Variants in CCDC43 observed in about 807,000 individuals in gnomAD.
The protein encoded by CCDC43 is coiled-coil domain-containing protein 43.
Under a neutral mutation model 33.3 loss-of-function variants are expected in CCDC43, and 20 were observed. The ratio of observed to expected loss-of-function variants is 0.60; its 90% CI spans 0.42 to 0.87. The LOEUF (loss-of-function observed/expected upper bound fraction) is 0.87, where lower values mean the gene tolerates loss of function less well. Among genes scored for constraint, CCDC43 ranks in the 40% least tolerant of loss-of-function variants. The pLI is 0.00. For synonymous variants in CCDC43, 104 were observed against 106.5 expected, an observed-to-expected ratio of 0.98 and a Z score of 0.14; for missense variants, 248 against 269.9, an observed-to-expected ratio of 0.92 and a Z score of 0.57.
At chr17:44,681,623 A>C (rs1972163944) in intron 3 of CCDC43, 1 of 156,700 alleles carries the variant, frequency 6.4e-6, no homozygotes, top group Admixed American at 6.4e-5. Context: ...TTGGTGTCTC[A>C]GTTTCCTTAT....
Position 44,678,818 on chromosome 17 carries a change from G to A in CCDC43, c.*38C>T. ...TAAATACACAACCAGTTCTCCCTTT[G>A]ATAAGTTCATGGGGGGAAAGAATAG... On this transcript the variant is annotated 3_prime_UTR_variant, in exon 5 of 5. Transcript: ENST00000315286. The A allele has an allele frequency of 6.4e-7, 1 of 1,570,992 alleles. No homozygotes were observed. Among genetic ancestry groups the A allele is most frequent in the Admixed American group, 1.9e-5 (1 of 53,976 alleles).
At chr17:44,679,719 C>T (rs1972128151) in intron 4 of CCDC43, among the ~76,000 whole-genome samples, 1 of 151,976 alleles carries the variant, frequency 6.6e-6, no homozygotes, top group Non-Finnish European at 1.5e-5. Flanking sequence ...GGTGAAACCC[C>T]GTCTCTACTA....
intron 2 of CCDC43, 61 bp downstream of exon 2, chr17:44,683,811 C>G: frequency 8.9e-7 from 1 of 1,129,070 alleles, no homozygotes; most frequent in Non-Finnish European, 1.3e-6. Flanking sequence ...TTCCTAACAG[C>G]TATACAGTCA....
intron 2 of CCDC43, among the ~76,000 whole-genome samples, chr17:44,682,984 G>A (rs1182055770): frequency 6.6e-6 from 1 of 152,102 alleles, no homozygotes; most frequent in East Asian, 1.9e-4. Flanking sequence ...TCACCTACAG[G>A]AGCTTTTAAA....
intron 1 of CCDC43, 142 bp downstream of exon 1, chr17:44,689,408 C>T: frequency 1.6e-6 from 2 of 1,265,324 alleles, no homozygotes; most frequent in Non-Finnish European, 2.1e-6. Flanking sequence ...CTTCCCCCGC[C>T]GCCCAGATAT....
At chr17:44,682,795 T>C (rs1282151816) in intron 2 of CCDC43, among the ~76,000 whole-genome samples, 1 of 151,808 alleles carries the variant, frequency 6.6e-6, no homozygotes, top group Non-Finnish European at 1.5e-5. Flanking sequence ...AGGCGGAGCT[T>C]GCAGTGAGCC....
rs914620971 is a variant in CCDC43, at chr17:44,678,945, T to C, written c.586A>G (p.Lys196Glu). ...DESQRKKEQD[K>E]LQRERDKLAK... ...AGTTTGTCTCTCTCCCTCTGCAGCT[T>C]GTCCTGTTCCTTCTTCCTTTGGGAT... is the stretch of plus-strand genomic sequence containing the variant. Residue 196 changes from lysine to glutamate, a missense_variant, in exon 5 of 5, where the codon AAG becomes GAG. Physicochemically the swap from Lys to Glu is moderately conservative, Grantham distance 56. Transcript: ENST00000315286. 6.8e-6 allele frequency: 11 copies of C among 1,613,820 alleles called. No homozygotes were observed. The highest frequency in any genetic ancestry group is 9.3e-6 in the Non-Finnish European group (11 of 1,179,890).
intron 4 of CCDC43, among the ~76,000 whole-genome samples, chr17:44,680,367 C>T (rs2144687635): frequency 6.6e-6 from 1 of 152,242 alleles, no homozygotes; most frequent in Admixed American, 6.5e-5. Flanking sequence ...AATCCTTCCT[C>T]CAAACTAATC....
In CCDC43 at chr17:44,678,031, G is replaced by T. The variant is rs184796181; in HGVS notation, c.*825C>A. The T allele has an allele frequency of 2.6e-5, 4 of 152,710 alleles. No individual in the cohort carries two copies. In the East Asian group the frequency reaches 7.7e-4, roughly 29 times the overall value. 9.5% of individuals were successfully genotyped at this position (152,710 alleles called of 1,614,324 possible). A position where few individuals can be genotyped will look rare whatever the true frequency, so the allele number is the denominator to read the frequency against. On this transcript the variant is annotated 3_prime_UTR_variant, in exon 5 of 5. Transcript: ENST00000315286. ...ACTCTTAAATATCTTGGTGTTAGCA[G>T]AAATTTCCAGTGTTTCTTCCTTAAA...
At chr17:44,686,940 G>A (rs1289040194) in intron 1 of CCDC43, among the ~76,000 whole-genome samples, 2 of 152,144 alleles carry the variant, frequency 1.3e-5, no homozygotes, top group African/African-American at 4.8e-5. Flanking sequence ...ATATGCCACT[G>A]TTCTTGAATT....
In CCDC43 at chr17:44,685,897, G is replaced by A. The variant is rs1041086065; in HGVS notation, c.205-1938C>T. 3.3e-5 allele frequency among the ~76,000 whole-genome samples: 5 copies of A among 152,260 alleles called. No homozygotes were observed. In the East Asian group the frequency reaches 9.6e-4, roughly 29 times the overall value. ...TGGATTAAACACAATTTGAACCCCA[G>A]CAGTTTGGCTTAGAGCCCATGTTCT... On this transcript the variant is annotated intron_variant, in intron 1 of 4. Coordinates refer to ENST00000315286, the MANE Select transcript of CCDC43 (RefSeq NM_144609.3).
intron 2 of CCDC43, among the ~76,000 whole-genome samples, chr17:44,682,665 G>T (rs769098516): frequency 6.6e-6 from 1 of 151,944 alleles, no homozygotes; most frequent in Non-Finnish European, 1.5e-5. Context: ...AGACCATCCC[G>T]GCTAACACAG....
intron 2 of CCDC43, 135 bp from the exon 3 acceptor site, chr17:44,682,273 C>T: frequency 9.7e-7 from 1 of 1,033,294 alleles, no homozygotes; most frequent in Non-Finnish European, 1.4e-6. Flanking sequence ...GTTCAAAGGA[C>T]ATGGCTCGGG....
At chr17:44,686,107 G>C (rs1972231478) in intron 1 of CCDC43, among the ~76,000 whole-genome samples, 3 of 152,264 alleles carry the variant, frequency 2.0e-5, no homozygotes, top group South Asian at 4.2e-4. Flanking sequence ...TAGAGACGGG[G>C]TTTCACCATG....
At chr17:44,680,441 G>A in intron 4 of CCDC43, 144 bp downstream of exon 4, 1 of 606,066 alleles carries the variant, frequency 1.6e-6, no homozygotes, top group Admixed American at 2.3e-5. Flanking sequence ...ACTATCTAGG[G>A]CTGTCCTAGG....
chr17:44,684,452 C>A (rs1042495954), intron 1 of CCDC43, among the ~76,000 whole-genome samples: 1 of 152,074 alleles, frequency 6.6e-6, no homozygotes, highest in African/African-American at 2.4e-5. Flanking sequence ...AATCCCAGCA[C>A]TTTGGGAGGC....
In CCDC43 at chr17:44,689,707, T is replaced by G. The variant is rs752795490; in HGVS notation, c.47A>C (p.Asp16Ala). Residue 16 changes from aspartate to alanine, a missense_variant, in exon 1 of 5, where the codon GAT (aspartate) becomes GCT (alanine). Coordinates refer to ENST00000315286, the MANE Select transcript of CCDC43 (RefSeq NM_144609.3). ...GGAGCCAAAGCCGCCGCCTCCGCCA[T>G]CGCCTTCGCCAGGGGCTATCGCGGC... Reference protein sequence around the residue: ...EVAAIAPGEGDGGGGGFGSWL... With the variant: ...EVAAIAPGEGAGGGGGFGSWL... The G allele has an allele frequency of 1.9e-6, 3 of 1,601,106 alleles. No homozygotes were observed. Among genetic ancestry groups the G allele is most frequent in the Non-Finnish European group, 2.6e-6 (3 of 1,174,450 alleles).
At chr17:44,683,569 AAT>A (rs1203321543) in intron 2 of CCDC43, among the ~76,000 whole-genome samples, 1 of 152,122 alleles carries the variant, frequency 6.6e-6, no homozygotes, top group Non-Finnish European at 1.5e-5. Flanking sequence ...AAGTGGTAAA[AAT>A]ATAGTTGACT....
intron 4 of CCDC43, 113 bp downstream of exon 4, chr17:44,680,472 C>T: frequency 1.4e-6 from 1 of 732,880 alleles, no homozygotes; most frequent in Non-Finnish European, 2.5e-6. Context: ...CCAATGTTAG[C>T]ATGACATGAG....
Sources: gnomAD v4.1 joint callset for allele counts (sites outside exome capture counted in the v4.1 genomes callset) on GRCh38, gnomAD v4.1.1 for gene constraint, MANE v1.5 for transcripts, NCBI Gene and HGNC (gene_info 2026-07-23, HGNC 2026-07-21) for gene names.